Variants in GRIN2A observed in about 807,000 individuals in gnomAD.
The protein encoded by GRIN2A is glutamate receptor ionotropic, NMDA 2A.
GRIN2A carries 22 observed loss-of-function variants against 113.4 expected under a neutral mutation model. That is an observed-to-expected ratio of 0.19 (90% CI 0.14 to 0.28). GRIN2A has a LOEUF of 0.28. Ranked by LOEUF, GRIN2A falls within the 10% of genes least tolerant of loss-of-function variation. The pLI, the probability that GRIN2A is intolerant of heterozygous loss-of-function variation, is 1.00. For synonymous variants in GRIN2A, 827 were observed against 738.4 expected, an observed-to-expected ratio of 1.12 and a Z score of -1.94; for missense variants, 1,502 against 1,887.0, an observed-to-expected ratio of 0.80 and a Z score of 3.78.
intron 2 of GRIN2A, among the ~76,000 whole-genome samples, chr16:10,103,872 T>C (rs1874392754): frequency 6.6e-6 from 1 of 152,206 alleles, no homozygotes; most frequent in Admixed American, 6.5e-5. Context: ...TAATTGGGTA[T>C]AGCAATCTAC....
intron 2 of GRIN2A, among the ~76,000 whole-genome samples, chr16:10,036,461 T>C (rs905410598): frequency 0.14 from 9,608 of 70,908 alleles, 467 homozygotes; most frequent in Non-Finnish European, 0.15. Flanking sequence ...TTTTTTTTTT[T>C]TTTTTTTTTT....
intron 2 of GRIN2A, among the ~76,000 whole-genome samples, chr16:9,944,577 A>T (rs936039594): frequency 8.5e-5 from 13 of 152,192 alleles, no homozygotes; most frequent in African/African-American, 3.1e-4. Context: ...TCTTATTATT[A>T]TCCCTGCATT....
chr16:9,890,216 G>A (rs950354317), intron 4 of GRIN2A, among the ~76,000 whole-genome samples: 13 of 152,134 alleles, frequency 8.5e-5, no homozygotes, highest in South Asian at 2.1e-4. Flanking sequence ...AGATAACAAC[G>A]TAACAACAAA....
At chr16:9,940,487 A>G (rs1036678212) in intron 2 of GRIN2A, among the ~76,000 whole-genome samples, 1 of 152,190 alleles carries the variant, frequency 6.6e-6, no homozygotes, top group Non-Finnish European at 1.5e-5. Context: ...TCTCAACAAG[A>G]CTGTGAGCTC....
intron 2 of GRIN2A, among the ~76,000 whole-genome samples, chr16:10,131,602 C>T (rs1449972779): frequency 6.6e-6 from 1 of 152,026 alleles, no homozygotes; most frequent in Non-Finnish European, 1.5e-5. Context: ...AGGAAAGTAC[C>T]TTCTGTGATA....
At chr16:10,055,046 TCAA>T (rs2047423126) in intron 2 of GRIN2A, among the ~76,000 whole-genome samples, 1 of 12,492 alleles carries the variant, frequency 8.0e-5, no homozygotes, top group Non-Finnish European at 1.3e-4. Flanking sequence ...AGACTCTATC[TCAA>T]AAAAAAAAAA....
rs532947164 is a variant in GRIN2A at position 10,100,770 on chromosome 16, C to G, written c.414+79228G>C. Among the ~76,000 whole-genome samples the G allele has an allele frequency of 1.8e-4, 27 of 152,326 alleles. No individual in the cohort carries two copies. In the South Asian group the frequency reaches 5.6e-3, roughly 32 times the overall value. ...TTCTCCCACCAGGATGATTAGCGCC[C>G]AGAAAGTGTAAGTAAATATTTGTGG... is the stretch of plus-strand genomic sequence containing the variant. On this transcript the variant is annotated intron_variant, in intron 2 of 12. Transcript: ENST00000330684.
intron 10 of GRIN2A, among the ~76,000 whole-genome samples, chr16:9,805,115 T>A (rs150910904): frequency 1.3e-5 from 2 of 152,208 alleles, no homozygotes; most frequent in African/African-American, 4.8e-5. Flanking sequence ...GCCCCAAGAC[T>A]GTTTACTGGC....
rs781522459 is a variant in GRIN2A, at chr16:9,763,935, G to A, written c.3609C>T (p.Thr1203=). Reference sequence around the variant, plus strand: ...TGGAGTTCTGCCGGTATCGCTCGCTGGTCTCACTGTGCGGGGAACCCTTGT... The same window carrying A: ...TGGAGTTCTGCCGGTATCGCTCGCTAGTCTCACTGTGCGGGGAACCCTTGT... ...LKDKGSPHSE[T]SERYRQNSTH... The change falls in exon 13 of 13, where the codon ACC becomes ACT. Residue 1203 remains threonine, a synonymous_variant. Coordinates refer to ENST00000330684, the MANE Select transcript of GRIN2A (RefSeq NM_001134407.3). 3 of 1,614,096 alleles carry A rather than the reference G, an allele frequency of 1.9e-6. No individual in the cohort carries two copies. Among genetic ancestry groups the A allele is most frequent in the South Asian group, 2.2e-5 (2 of 91,068 alleles).
At chr16:9,929,259 A>G (rs954280537) in intron 3 of GRIN2A, among the ~76,000 whole-genome samples, 4 of 151,064 alleles carry the variant, frequency 2.6e-5, no homozygotes, top group Admixed American at 1.3e-4. Context: ...CTTCTCTCTG[A>G]TTGCCTACTG....
At position 10,022,538 on chromosome 16, in the gene GRIN2A, C is replaced by G. The variant is rs147772843; in HGVS notation, c.415-83987G>C. 4.3e-3 allele frequency among the ~76,000 whole-genome samples: 657 copies of G among 152,290 alleles called. 1 individual carries two copies. Among genetic ancestry groups the G allele is most frequent in the Admixed American group, 7.5e-3 (115 of 15,290 alleles). On this transcript the variant is annotated intron_variant, in intron 2 of 12. Transcript: ENST00000330684. ...CTACATCCCTACAACATTTCATAAA[C>G]AAAAATAAAACATACATCAGTGCTG...
chr16:10,084,646 G>C (rs1298389276), intron 2 of GRIN2A, among the ~76,000 whole-genome samples: 1 of 151,874 alleles, frequency 6.6e-6, no homozygotes, highest in Non-Finnish European at 1.5e-5. Flanking sequence ...ATCTCCTCTG[G>C]GGAAGTTTTT....
At chr16:10,165,875 G>A (rs1011938047) in intron 2 of GRIN2A, among the ~76,000 whole-genome samples, 2 of 152,080 alleles carry the variant, frequency 1.3e-5, no homozygotes, top group African/African-American at 4.8e-5. Context: ...AAAACCAATA[G>A]CAAATTTGTT....
chr16:9,806,067 A>G (rs2141253126), intron 10 of GRIN2A, among the ~76,000 whole-genome samples: 1 of 152,364 alleles, frequency 6.6e-6, no homozygotes, highest in South Asian at 2.1e-4. Context: ...TTTTCAAAGC[A>G]AACTCCCTTA....
chr16:9,770,231 G>A (rs1396654454), intron 11 of GRIN2A, among the ~76,000 whole-genome samples: 1 of 138,036 alleles, frequency 7.2e-6, no homozygotes, highest in Non-Finnish European at 1.6e-5. Flanking sequence ...ATCAAGATGT[G>A]TATGCTAAAT....
chr16:9,911,519 A>G (rs937070922), intron 3 of GRIN2A, among the ~76,000 whole-genome samples: 2 of 152,226 alleles, frequency 1.3e-5, no homozygotes, highest in Admixed American at 6.5e-5. Context: ...TAATCATAGC[A>G]GCCATGCCAT....
chr16:9,764,684 T>A lies in GRIN2A; in HGVS notation c.2860A>T (p.Ser954Cys). 3 of 1,614,188 alleles carry A rather than the reference T, an allele frequency of 1.9e-6. No homozygotes were observed. The highest frequency in any genetic ancestry group is 2.5e-6 in the Non-Finnish European group (3 of 1,180,012). The change falls in exon 13 of 13, where the codon AGC (serine) becomes TGC (cysteine). Residue 954 changes from serine (S) to cysteine (C), a missense_variant. Transcript: ENST00000330684. ...TCGTTCATGTTGTCTCCAAAAATGC[T>A]CTCTTTCCCCTGAAAGGACCTGTTG... is the stretch of plus-strand genomic sequence containing the variant. ...SDNRSFQGKE[S>C]IFGDNMNELQ...
intron 3 of GRIN2A, among the ~76,000 whole-genome samples, chr16:9,908,442 GT>G (rs57618366): frequency 5.9e-5 from 9 of 151,406 alleles, no homozygotes; most frequent in Non-Finnish European, 8.8e-5. Context: ...CCTTCTTCCA[GT>G]TTTTTTTCCC....
chr16:9,978,511 TTCC>T (rs931040187), intron 2 of GRIN2A, among the ~76,000 whole-genome samples: 1 of 152,078 alleles, frequency 6.6e-6, no homozygotes, highest in African/African-American at 2.4e-5. Context: ...CTCCTTCCCC[TTCC>T]TCCTCTACTT....
Sources: gnomAD v4.1 joint callset for allele counts (sites outside exome capture counted in the v4.1 genomes callset) on GRCh38, gnomAD v4.1.1 for gene constraint, MANE v1.5 for transcripts, NCBI Gene and HGNC (gene_info 2026-07-23, HGNC 2026-07-21) for gene names.